The following NRG3 variants were observed in gnomAD, a reference collection of about 807,000 sequenced individuals.
The protein encoded by NRG3 is pro-neuregulin-3, membrane-bound isoform.
Under a neutral mutation model 66.9 loss-of-function variants are expected in NRG3, and 31 were observed. The ratio of observed to expected loss-of-function variants is 0.46; its 90% CI spans 0.35 to 0.63. The LOEUF (loss-of-function observed/expected upper bound fraction) is 0.63, where lower values mean the gene tolerates loss of function less well. Among genes scored for constraint, NRG3 ranks in the 20% least tolerant of loss-of-function variants. The pLI, the probability that NRG3 is intolerant of heterozygous loss-of-function variation, is 0.00. For synonymous variants in NRG3, 393 were observed against 359.4 expected, an observed-to-expected ratio of 1.09 and a Z score of -1.06; for missense variants, 910 against 878.9, an observed-to-expected ratio of 1.04 and a Z score of -0.45.
At chr10:82,694,849 A>G (rs2055245956) in intron 2 of NRG3, among the ~76,000 whole-genome samples, 1 of 152,204 alleles carries the variant, frequency 6.6e-6, no homozygotes, top group South Asian at 2.1e-4. Context: ...TGAGGAACAT[A>G]TGTCTGTAAG....
intron 3 of NRG3, among the ~76,000 whole-genome samples, chr10:82,849,715 G>A (rs1438259996): frequency 6.6e-6 from 1 of 152,152 alleles, no homozygotes; most frequent in Non-Finnish European, 1.5e-5. Flanking sequence ...TGAGGAAGAA[G>A]AATGTATTTT....
At chr10:82,485,434 T>G (rs2132187654) in intron 2 of NRG3, among the ~76,000 whole-genome samples, 1 of 150,318 alleles carries the variant, frequency 6.7e-6, no homozygotes, top group South Asian at 2.1e-4. Context: ...TTGTGAATAT[T>G]AATTTGACTA....
At chr10:82,268,921 A>G (rs367961125) in intron 1 of NRG3, among the ~76,000 whole-genome samples, 1 of 152,036 alleles carries the variant, frequency 6.6e-6, no homozygotes, top group African/African-American at 2.4e-5. Flanking sequence ...CTTGTTGCAG[A>G]TCTATTTCAT....
At chr10:82,132,553 G>GATATATATATA (rs2069005647) in intron 1 of NRG3, among the ~76,000 whole-genome samples, 8 of 18,064 alleles carry the variant, frequency 4.4e-4, no homozygotes, top group Non-Finnish European at 2.0e-3. Context: ...ATATATCTTT[G>GATATATATATA]TCTGGTTTTG....
chr10:82,894,356 A>G (rs1843448158), intron 4 of NRG3, among the ~76,000 whole-genome samples: 1 of 152,184 alleles, frequency 6.6e-6, no homozygotes, highest in African/African-American at 2.4e-5. Flanking sequence ...TATTTTTTTT[A>G]GATGAGGAAA....
chr10:81,982,460 T>A (rs540968319), intron 1 of NRG3, among the ~76,000 whole-genome samples: 1 of 152,330 alleles, frequency 6.6e-6, no homozygotes, highest in East Asian at 1.9e-4. Flanking sequence ...TTTTTAGGTG[T>A]TCAGTTCTTT....
At chr10:82,684,019 T>C (rs901884448) in intron 2 of NRG3, among the ~76,000 whole-genome samples, 4 of 72,998 alleles carry the variant, frequency 5.5e-5, no homozygotes, top group Admixed American at 1.9e-4. Context: ...GCTGTGTGTA[T>C]ATATTCAGAG....
rs189224308 is a variant in NRG3 at position 81,913,126 on chromosome 10, G to A, written c.823+36963G>A. ...TACGTATAAAACAATGAAGAGGCTG[G>A]CACCACTTTTAATCAGTTTTATGGT... On this transcript the variant is annotated intron_variant, in intron 1 of 8. Transcript: ENST00000372141. Among the ~76,000 whole-genome samples the A allele has an allele frequency of 4.2e-4, 64 of 152,168 alleles. 1 individual carries two copies. Among genetic ancestry groups the A allele is most frequent in the African/African-American group, 1.4e-3 (60 of 41,518 alleles).
chr10:82,770,374 C>G (rs2059669393), intron 3 of NRG3, among the ~76,000 whole-genome samples: 1 of 152,076 alleles, frequency 6.6e-6, no homozygotes, highest in Admixed American at 6.6e-5. Context: ...CCCCTCTTTC[C>G]AAAACCCTGT....
intron 1 of NRG3, among the ~76,000 whole-genome samples, chr10:81,978,916 C>G (rs1023850453): frequency 6.6e-6 from 1 of 151,944 alleles, no homozygotes; most frequent in African/African-American, 2.4e-5. Context: ...CCTGGCCGGG[C>G]GTGGTGGCTC....
At chr10:82,200,112 A>G (rs1186918077) in intron 1 of NRG3, among the ~76,000 whole-genome samples, 1 of 152,188 alleles carries the variant, frequency 6.6e-6, no homozygotes, top group Non-Finnish European at 1.5e-5. Flanking sequence ...ATCAGACACT[A>G]TTCTAAGTAC....
chr10:82,530,021 A>T (rs1351059260), intron 2 of NRG3, among the ~76,000 whole-genome samples: 1 of 152,184 alleles, frequency 6.6e-6, no homozygotes, highest in Non-Finnish European at 1.5e-5. Flanking sequence ...GTTAAGGCCA[A>T]TATGGGAATT....
chr10:82,699,717 T>C (rs2055702580), intron 2 of NRG3, among the ~76,000 whole-genome samples: 1 of 152,162 alleles, frequency 6.6e-6, no homozygotes, highest in Non-Finnish European at 1.5e-5. Flanking sequence ...TTTAATGCTT[T>C]ATATTTGCCT....
At chr10:81,876,966 C>G (rs1238261328) in intron 1 of NRG3, among the ~76,000 whole-genome samples, 1 of 152,054 alleles carries the variant, frequency 6.6e-6, no homozygotes, top group African/African-American at 2.4e-5. Context: ...GCTTTTGTTC[C>G]GTTCCCAAAG....
intron 2 of NRG3, among the ~76,000 whole-genome samples, chr10:82,610,395 T>TA (rs1250200733): frequency 1.3e-5 from 2 of 152,184 alleles, no homozygotes; most frequent in Admixed American, 1.3e-4. Context: ...CACATTTTAA[T>TA]GTCCCTCAAT....
At chr10:82,047,686 C>T (rs866175425) in intron 1 of NRG3, among the ~76,000 whole-genome samples, 77 of 151,550 alleles carry the variant, frequency 5.1e-4, no homozygotes, top group Middle Eastern at 3.4e-3. Context: ...GAAGAAACTG[C>T]ATCAACTAAT....
intron 5 of NRG3, among the ~76,000 whole-genome samples, chr10:82,958,435 G>T (rs1265987357): frequency 6.6e-6 from 1 of 152,126 alleles, no homozygotes; most frequent in East Asian, 1.9e-4. Context: ...TAATATCTGG[G>T]CTCTTGGTAA....
At chr10:82,452,575 C>A (rs560756207) in intron 2 of NRG3, among the ~76,000 whole-genome samples, 1 of 152,046 alleles carries the variant, frequency 6.6e-6, no homozygotes, top group Non-Finnish European at 1.5e-5. Context: ...TACAAACCAC[C>A]CTTTTACTCA....
intron 2 of NRG3, among the ~76,000 whole-genome samples, chr10:82,434,088 A>T (rs2089986772): frequency 6.6e-6 from 1 of 152,110 alleles, no homozygotes; most frequent in Admixed American, 6.5e-5. Context: ...TGAGGATGGA[A>T]TGTTTTTTCC....
Sources: allele counts gnomAD v4.1 joint callset (sites outside exome capture counted in the v4.1 genomes callset), GRCh38; gene constraint gnomAD v4.1.1; transcripts MANE v1.5; gene names NCBI Gene and HGNC (gene_info 2026-07-23, HGNC 2026-07-21).